CSMD1: variants seen among roughly 807,000 people sequenced by gnomAD.
CSMD1 encodes CUB and Sushi multiple domains 1.
CSMD1 carries 213 observed loss-of-function variants against 417.5 expected under a neutral mutation model. The ratio of observed to expected loss-of-function variants is 0.51; its 90% confidence interval spans 0.46 to 0.57. CSMD1 has a LOEUF of 0.57. Ranked by LOEUF, CSMD1 falls within the 20% of genes least tolerant of loss-of-function variation. The probability of loss-of-function intolerance (pLI) is 0.00; values close to 1 mark genes in which losing one functional copy is unlikely to be tolerated. For missense variants in CSMD1, 6,923 were observed against 4,529.7 expected (o/e 1.53, Z -15.17); for synonymous variants, 2,862 against 1,736.8 (o/e 1.65, Z -16.11).
chr8:3,306,785 CT>C lies in CSMD1; in HGVS notation c.3950+909del, dbSNP rs1563252425. Reference sequence around the variant, plus strand: ...TTAAAATTACCTTTTGCCTTATGTGCTATGGTTTTGGAGACAGATTTCTGAG... The same window carrying C: ...TTAAAATTACCTTTTGCCTTATGTGCATGGTTTTGGAGACAGATTTCTGAG... On this transcript the variant is annotated intron_variant, in intron 25 of 69. Coordinates refer to ENST00000635120, the MANE Select transcript of CSMD1 (RefSeq NM_033225.6). 5.0e-4 allele frequency among the ~76,000 whole-genome samples: 76 copies of C among 151,966 alleles called. No homozygotes were observed. In the East Asian group the frequency reaches 0.011, roughly 22 times the overall value.
intron 15 of CSMD1, among the ~76,000 whole-genome samples, chr8:3,400,067 G>C (rs1217065460): frequency 6.6e-6 from 1 of 152,174 alleles, no homozygotes; most frequent in Non-Finnish European, 1.5e-5. Flanking sequence ...GATAAGTGTA[G>C]AATTAGACTG....
rs1796698693 is a variant in CSMD1 at position 3,739,765 on chromosome 8, C to A, written c.931+14165G>T. ...ATCACAAAAATAGCAACAGATGCTA[C>A]AGTCAGCTGAGATCAATGGAAAAAG... is the stretch of plus-strand genomic sequence containing the variant. On this transcript the variant is annotated intron_variant, in intron 6 of 69. Transcript: ENST00000635120. Among the ~76,000 whole-genome samples the A allele has an allele frequency of 2.0e-5, 3 of 147,364 alleles. No homozygotes were observed. In the South Asian group the frequency reaches 6.8e-4, roughly 33 times the overall value.
At chr8:4,068,389 T>C (rs796467625) in intron 3 of CSMD1, among the ~76,000 whole-genome samples, 1 of 152,274 alleles carries the variant, frequency 6.6e-6, no homozygotes, top group African/African-American at 2.4e-5. Flanking sequence ...GAGTGTGACT[T>C]TTATTTCACA....
intron 3 of CSMD1, among the ~76,000 whole-genome samples, chr8:4,150,353 C>T (rs2131051331): frequency 6.6e-6 from 1 of 152,286 alleles, no homozygotes; most frequent in East Asian, 1.9e-4. Flanking sequence ...CATTCTAACT[C>T]AGTGTCTGCA....
At chr8:3,709,402 T>A (rs1801366676) in intron 6 of CSMD1, among the ~76,000 whole-genome samples, 1 of 152,132 alleles carries the variant, frequency 6.6e-6, no homozygotes. Context: ...AGCCTGTGAC[T>A]CTATGTGTAA....
At chr8:4,319,071 A>G (rs545812300) in intron 3 of CSMD1, among the ~76,000 whole-genome samples, 1 of 152,192 alleles carries the variant, frequency 6.6e-6, no homozygotes, top group African/African-American at 2.4e-5. Context: ...CTTTTACTTC[A>G]TTAGTAGTCC....
intron 5 of CSMD1, among the ~76,000 whole-genome samples, chr8:3,977,550 A>G (rs1735578221): frequency 2.0e-5 from 3 of 152,168 alleles, no homozygotes; most frequent in Non-Finnish European, 4.4e-5. Flanking sequence ...AGCAGCAAAC[A>G]TTTTTAATAC....
intron 1 of CSMD1, among the ~76,000 whole-genome samples, chr8:4,884,566 G>T (rs966210701): frequency 6.6e-6 from 1 of 151,834 alleles, no homozygotes; most frequent in African/African-American, 2.4e-5. Context: ...GATGGATTGG[G>T]CTTCGACTTC....
intron 10 of CSMD1, among the ~76,000 whole-genome samples, chr8:3,565,131 C>CAAAAAAAAAAAAAAAAAAAAAAA (rs869248314): frequency 4.8e-4 from 5 of 10,448 alleles, no homozygotes; most frequent in Admixed American, 2.7e-3. Context: ...TGCAAGACAG[C>CAAAAAAAAAAAAAAAAAAAAAAA]AAAAAAAAAA....
chr8:3,612,185 A>C (rs573347602), intron 8 of CSMD1, among the ~76,000 whole-genome samples: 1 of 152,264 alleles, frequency 6.6e-6, no homozygotes, highest in East Asian at 1.9e-4. Flanking sequence ...TTGATTTCAG[A>C]GTAAAAAATG....
At chr8:3,821,003 A>G (rs941779930) in intron 5 of CSMD1, among the ~76,000 whole-genome samples, 12 of 151,870 alleles carry the variant, frequency 7.9e-5, no homozygotes, top group Non-Finnish European at 4.4e-5. Flanking sequence ...TGCAACCTCC[A>G]CATCCCGGGT....
chr8:3,151,632 C>G (rs909600180), intron 39 of CSMD1, 119 bp from the exon 40 acceptor site: 3 of 649,704 alleles, frequency 4.6e-6, no homozygotes, highest in Admixed American at 2.5e-5. Context: ...TAATTCTGCC[C>G]CTAATTACAG....
intron 5 of CSMD1, among the ~76,000 whole-genome samples, chr8:3,918,897 G>T (rs1030652997): frequency 6.6e-6 from 1 of 151,868 alleles, no homozygotes; most frequent in Middle Eastern, 3.4e-3. Context: ...GGAAGGGGGT[G>T]AAGGATAAAA....
chr8:3,886,764 G>A (rs894572954), intron 5 of CSMD1, among the ~76,000 whole-genome samples: 1 of 152,158 alleles, frequency 6.6e-6, no homozygotes, highest in Non-Finnish European at 1.5e-5. Context: ...GCAGGACACA[G>A]ACTTAGGGAC....
At chr8:3,392,303 A>T (rs985253292) in intron 17 of CSMD1, among the ~76,000 whole-genome samples, 2 of 152,138 alleles carry the variant, frequency 1.3e-5, no homozygotes, top group South Asian at 4.1e-4. Context: ...ACTTGAAAAA[A>T]AATAATAATT....
chr8:3,001,412 A>G (rs1342933849), intron 52 of CSMD1, among the ~76,000 whole-genome samples: 2 of 151,966 alleles, frequency 1.3e-5, no homozygotes, highest in Non-Finnish European at 2.9e-5. Flanking sequence ...TGGAAAGGGT[A>G]TTCTTATTAA....
chr8:4,104,877 T>A lies in CSMD1; in HGVS notation c.416-72778A>T, dbSNP rs145979848. On this transcript the variant is annotated intron_variant, in intron 3 of 69. Transcript: ENST00000635120. ...AGCCTTACATTTTTAGGTATTACTT[T>A]TTCTTTTGTATCCATTAAGATCAAT... Among the ~76,000 whole-genome samples, 302 of 152,320 alleles carry A rather than the reference T, an allele frequency of 2.0e-3. 3 individuals carry two copies. Among genetic ancestry groups the A allele is most frequent in the African/African-American group, 6.9e-3 (287 of 41,570 alleles).
At chr8:4,605,210 G>T (rs138102587) in intron 2 of CSMD1, among the ~76,000 whole-genome samples, 157 of 152,148 alleles carry the variant, frequency 1.0e-3, no homozygotes, top group African/African-American at 3.7e-3. Flanking sequence ...AGCAACCATG[G>T]ACACGTTAAC....
chr8:3,833,255 A>G (rs949740704), intron 5 of CSMD1, among the ~76,000 whole-genome samples: 2 of 152,064 alleles, frequency 1.3e-5, no homozygotes, highest in Non-Finnish European at 2.9e-5. Context: ...CATGTTGATA[A>G]TATCTGCATT....
Sources: allele counts gnomAD v4.1 joint callset (sites outside exome capture counted in the v4.1 genomes callset), GRCh38; gene constraint gnomAD v4.1.1; transcripts MANE v1.5; gene names NCBI Gene and HGNC (gene_info 2026-07-23, HGNC 2026-07-21).